The following BDP1 variants were observed in gnomAD, a reference collection of about 807,000 sequenced individuals.
The protein encoded by BDP1 is transcription factor TFIIIB component B'' homolog.
A neutral mutation model predicts 266.6 loss-of-function variants in BDP1; 169 were observed. The ratio of observed to expected loss-of-function variants is 0.63; its 90% CI spans 0.56 to 0.72. The LOEUF (loss-of-function observed/expected upper bound fraction) is 0.72, where lower values mean the gene tolerates loss of function less well. Ranked by LOEUF, BDP1 falls within the 30% of genes least tolerant of loss-of-function variation. The pLI is 0.00. For missense variants in BDP1, 3,015 were observed against 3,053.8 expected (o/e 0.99, Z 0.30); for synonymous variants, 1,090 against 1,022.4 (o/e 1.07, Z -1.26).
At position 71,510,584 on chromosome 5, in the gene BDP1, G is replaced by A; in HGVS notation, c.3492G>A (p.Lys1164=). 6.2e-7 allele frequency: 1 copy of A among 1,613,868 alleles called. No individual in the cohort carries two copies. Among genetic ancestry groups the A allele is most frequent in the Non-Finnish European group, 8.5e-7 (1 of 1,179,834 alleles). The change falls in exon 17 of 39, where the codon AAG becomes AAA. Residue 1164 remains lysine, a synonymous_variant. Transcript: ENST00000358731. ...AGGAAAATGGCCCAGAGGAGGTCAA[G>A]CCTGTAGATGAAATGGAGACAGACT... ...SPEENGPEEV[K]PVDEMETDLK... is the part of the protein sequence containing the mutation.
chr5:71,547,960 T>C (rs1298077762), intron 32 of BDP1, among the ~76,000 whole-genome samples: 1 of 151,460 alleles, frequency 6.6e-6, no homozygotes, highest in East Asian at 1.9e-4. Flanking sequence ...CTCAAAAAAA[T>C]AAATAAATAA....
At chr5:71,462,779 C>G (rs914880433) in intron 3 of BDP1, among the ~76,000 whole-genome samples, 2 of 151,918 alleles carry the variant, frequency 1.3e-5, no homozygotes, top group African/African-American at 4.8e-5. Context: ...AATGTTTTTT[C>G]TTTGTTATAT....
chr5:71,556,863 T>C, intron 35 of BDP1, 23 bp from the exon 36 acceptor site: 1 of 1,228,164 alleles, frequency 8.1e-7, no homozygotes, highest in South Asian at 1.6e-5. Context: ...TTCTAAATTT[T>C]TTTTTAAATT....
In BDP1 at chr5:71,536,513, A is replaced by G. The variant is rs531841063; in HGVS notation, c.5893-2529A>G. Among the ~76,000 whole-genome samples the G allele has an allele frequency of 1.2e-4, 18 of 152,326 alleles. No homozygotes were observed. In the South Asian group the frequency reaches 3.3e-3, roughly 28 times the overall value. On this transcript the variant is annotated intron_variant, in intron 26 of 38. Transcript: ENST00000358731. The stretch of plus-strand genomic sequence containing the variant: ...CTGACAGGGAGAGCCATGATCAAGG[A>G]GTGGTTTTCTTTAGGAAGCAATTCT...
chr5:71,465,050 T>C (rs1000802490), intron 4 of BDP1, among the ~76,000 whole-genome samples: 10 of 151,766 alleles, frequency 6.6e-5, no homozygotes, highest in African/African-American at 2.2e-4. Context: ...TTTTTTTTCA[T>C]AGAGATAAGG....
rs763683319 is a variant in BDP1, at chr5:71,522,370, A to G, written c.5073A>G (p.Arg1691=). 16 of 1,613,910 alleles carry G rather than the reference A, an allele frequency of 9.9e-6. No individual in the cohort carries two copies. In the African/African-American group the frequency reaches 2.0e-4, roughly 20 times the overall value. ...KFQKAKPNLG[R]AHSKKEEPVL... is the part of the protein sequence containing the mutation. ...AAAAGGCTAAGCCAAATTTGGGAAGAGCACACAGTAAGAAAGAGGAACCAG... is the reference window on the plus strand; with the variant it reads ...AAAAGGCTAAGCCAAATTTGGGAAGGGCACACAGTAAGAAAGAGGAACCAG... Residue 1691 remains arginine (R), a synonymous_variant, in exon 23 of 39, where the codon AGA becomes AGG. Transcript: ENST00000358731.
At chr5:71,552,313 A>G (rs997249721) in intron 34 of BDP1, among the ~76,000 whole-genome samples, 4 of 148,372 alleles carry the variant, frequency 2.7e-5, no homozygotes, top group African/African-American at 1.0e-4. Context: ...GTGGCCGGGA[A>G]GAGGCGCTCC....
At position 71,529,453 on chromosome 5, in the gene BDP1, A is replaced by AGGTTGAGGCGGAGGATC. The variant is rs1244486160; in HGVS notation, c.5773-2854_5773-2838dup. On this transcript the variant is annotated intron_variant, in intron 25 of 38. Transcript: ENST00000358731. ...ATGTCTGTAATCCCAGTGCTTTGGG[A>AGGTTGAGGCGGAGGATC]GGTTGAGGCGGAGGATCAGTTGAGG... Among the ~76,000 whole-genome samples, 5 of 152,174 alleles carry AGGTTGAGGCGGAGGATC rather than the reference A, an allele frequency of 3.3e-5. No homozygotes were observed. In the East Asian group the frequency reaches 9.6e-4, roughly 29 times the overall value.
At chr5:71,491,201 A>G (rs983358259) in intron 11 of BDP1, 70 bp downstream of exon 11, 5 of 1,413,046 alleles carry the variant, frequency 3.5e-6, no homozygotes, top group Non-Finnish European at 4.9e-6. Flanking sequence ...TGAAGTCTCC[A>G]TCTGTAACTG....
chr5:71,457,052 A>G (rs1761233495), intron 1 of BDP1, among the ~76,000 whole-genome samples: 1 of 152,140 alleles, frequency 6.6e-6, no homozygotes. Flanking sequence ...TATTACATGA[A>G]TCTGTTTCAA....
intron 6 of BDP1, among the ~76,000 whole-genome samples, chr5:71,468,714 C>G (rs764684864): frequency 4.7e-5 from 7 of 147,930 alleles, no homozygotes; most frequent in Non-Finnish European, 8.9e-5. Context: ...TCAAGCGATT[C>G]TCCTGCCTCA....
Position 71,567,501 on chromosome 5 carries a change from A to G in BDP1, c.*2616A>G, listed in dbSNP as rs1160974582. ...GTGAAGAAGATGTTGCAAAGGATTT[A>G]TTTCACAAATTTTAAAGGAGATATG... On this transcript the variant is annotated 3_prime_UTR_variant, in exon 39 of 39. Transcript: ENST00000358731. The G allele has an allele frequency of 6.6e-6, 1 of 152,464 alleles. No individual in the cohort carries two copies. The highest frequency in any genetic ancestry group is 1.9e-4 in the East Asian group (1 of 5,204). 9.4% of individuals were successfully genotyped at this position (152,464 alleles called of 1,614,324 possible).
rs773603384 is a variant in BDP1 at position 71,509,843 on chromosome 5, G to A, written c.2751G>A (p.Glu917=). Reference sequence around the variant, plus strand: ...TTTGTCTAAGGGAGAAGACGCCAGAGGTGATTGATGCCACTGAGGAAATAG... The same window carrying A: ...TTTGTCTAAGGGAGAAGACGCCAGAAGTGATTGATGCCACTGAGGAAATAG... The part of the protein sequence containing the change: ...REICLREKTP[E]VIDATEEIDK... Residue 917 remains glutamate, a synonymous_variant, in exon 17 of 39, where the codon GAG becomes GAA. Transcript: ENST00000358731. 4 of 1,614,134 alleles carry A rather than the reference G, an allele frequency of 2.5e-6. No homozygotes were observed. Among genetic ancestry groups the A allele is most frequent in the South Asian group, 1.1e-5 (1 of 91,074 alleles).
chr5:71,512,899 T>C (rs1176796785), intron 18 of BDP1, among the ~76,000 whole-genome samples: 1 of 150,972 alleles, frequency 6.6e-6, no homozygotes. Flanking sequence ...CTCTATAAAA[T>C]AAAAAAACAA....
At chr5:71,526,615 CAA>C (rs752124588) in intron 25 of BDP1, among the ~76,000 whole-genome samples, 2 of 49,860 alleles carry the variant, frequency 4.0e-5, no homozygotes, top group Non-Finnish European at 7.0e-5. Flanking sequence ...GACTCTATCT[CAA>C]AAAAAAAAAA....
At chr5:71,463,686 G>T (rs1183733603) in intron 3 of BDP1, among the ~76,000 whole-genome samples, 1 of 151,980 alleles carries the variant, frequency 6.6e-6, no homozygotes. Flanking sequence ...AAATTAGCCT[G>T]GTGTGGTGGC....
chr5:71,535,219 A>G lies in BDP1; in HGVS notation c.5892+2792A>G, dbSNP rs1377938605. ...AAATAACAATTTTTTTTTTTTTTTT[A>G]AAGACAGAGTCTCACTCTGTTGCCC... On this transcript the variant is annotated intron_variant, in intron 26 of 38. Transcript: ENST00000358731. Among the ~76,000 whole-genome samples, 4 of 147,134 alleles carry G rather than the reference A, an allele frequency of 2.7e-5. No individual in the cohort carries two copies. In the South Asian group the frequency reaches 8.6e-4, roughly 32 times the overall value.
rs376607043 is a variant in BDP1, at chr5:71,476,571, C to T, written c.1014+6082C>T. 1.2e-4 allele frequency among the ~76,000 whole-genome samples: 18 copies of T among 151,554 alleles called. 1 individual carries two copies. The highest frequency in any genetic ancestry group is 3.6e-4 in the African/African-American group (15 of 41,266). On this transcript the variant is annotated intron_variant, in intron 7 of 38. Coordinates refer to ENST00000358731, the MANE Select transcript of BDP1 (RefSeq NM_018429.3). ...TTCCCTTTTTTTTTAGACAGAGTCT[C>T]GCTCTGTCATCCAGGCTGGAGTGCA...
chr5:71,552,879 C>T lies in BDP1; in HGVS notation c.6996-237C>T, dbSNP rs6877773. The stretch of plus-strand genomic sequence containing the variant: ...GGTAATATTCAGATTTAATTCAATA[C>T]TATGGAATTTAAGTTATAAGCCCTG... On this transcript the variant is annotated intron_variant, in intron 34 of 38. Coordinates refer to ENST00000358731, the MANE Select transcript of BDP1 (RefSeq NM_018429.3). Among the ~76,000 whole-genome samples, 123,124 of 152,038 alleles carry T rather than the reference C, an allele frequency of 0.81. 50,103 individuals are homozygous for T. Among genetic ancestry groups the T allele is most frequent in the East Asian group, 0.87 (4,499 of 5,152 alleles).
Sources: gnomAD v4.1 joint callset for allele counts (sites outside exome capture counted in the v4.1 genomes callset) on GRCh38, gnomAD v4.1.1 for gene constraint, MANE v1.5 for transcripts, NCBI Gene and HGNC (gene_info 2026-07-23, HGNC 2026-07-21) for gene names.